The following TBC1D16 variants were observed in gnomAD, a reference collection of about 807,000 sequenced individuals.
The protein encoded by TBC1D16 is TBC1 domain family member 16.
In TBC1D16, 58 loss-of-function variants were observed where a neutral mutation model predicts 74.7. That is an observed-to-expected ratio of 0.78 (90% CI 0.63 to 0.97). The LOEUF (loss-of-function observed/expected upper bound fraction) is 0.97, where lower values mean the gene tolerates loss of function less well. Ranked by LOEUF, TBC1D16 falls within the 50% of genes least tolerant of loss-of-function variation. TBC1D16 has a pLI of 0.00. For missense variants in TBC1D16, 1,014 were observed against 1,079.5 expected (o/e 0.94, Z 0.85); for synonymous variants, 493 against 474.7 (o/e 1.04, Z -0.50).
In TBC1D16 at chr17:79,981,709, G is replaced by A. The variant is rs1038834715; in HGVS notation, c.779+28451C>T. ...CTCCCACACCGGAGGCAAGGGACGCGCCACCCTCGGAGCGGCTCCCTCGGC... is the reference window on the plus strand; with the variant it reads ...CTCCCACACCGGAGGCAAGGGACGCACCACCCTCGGAGCGGCTCCCTCGGC... On this transcript the variant is annotated intron_variant, in intron 3 of 11. Coordinates refer to ENST00000310924, the MANE Select transcript of TBC1D16 (RefSeq NM_019020.4). The surrounding 1 kb of genome is among the most constrained non-coding windows in gnomAD (Gnocchi z 6.9). Among the ~76,000 whole-genome samples, 3 of 152,230 alleles carry A rather than the reference G, an allele frequency of 2.0e-5. No homozygotes were observed. Among genetic ancestry groups the A allele is most frequent in the African/African-American group, 7.2e-5 (3 of 41,470 alleles).
chr17:79,977,274 G>A (rs1049789942), intron 3 of TBC1D16, among the ~76,000 whole-genome samples: 16 of 152,160 alleles, frequency 1.1e-4, no homozygotes, highest in South Asian at 4.1e-4. Context: ...GAGACGGCCC[G>A]GTGCACAGGG....
At chr17:80,026,141 G>A (rs904064449) in intron 1 of TBC1D16, 20 of 150,234 alleles carry the variant, frequency 1.3e-4, no homozygotes, top group Admixed American at 1.3e-3. Context: ...AGAAAGGGGC[G>A]GCCGGGCATG....
chr17:79,949,153 C>T, intron 7 of TBC1D16, 147 bp from the exon 8 acceptor site: 1 of 887,584 alleles, frequency 1.1e-6, no homozygotes, highest in Non-Finnish European at 1.7e-6. Context: ...AGACCCTCCC[C>T]GGATGCGGCG....
At chr17:79,996,697 A>G (rs2035284282) in intron 3 of TBC1D16, among the ~76,000 whole-genome samples, 1 of 152,198 alleles carries the variant, frequency 6.6e-6, no homozygotes, top group African/African-American at 2.4e-5. Flanking sequence ...CCTGAGCAAC[A>G]TGGCAAAAAC....
At chr17:79,947,057 G>A (rs769430724) in intron 9 of TBC1D16, among the ~76,000 whole-genome samples, 17 of 152,188 alleles carry the variant, frequency 1.1e-4, no homozygotes, top group African/African-American at 3.9e-4. Context: ...CTGGCCCTCC[G>A]GCGCTGCCTT....
chr17:80,005,316 C>G (rs2035634062), intron 3 of TBC1D16, among the ~76,000 whole-genome samples: 1 of 152,216 alleles, frequency 6.6e-6, no homozygotes, highest in Non-Finnish European at 1.5e-5. Flanking sequence ...GTTCTTTATC[C>G]AGGTCACCAA....
rs185896163 is a variant in TBC1D16, at chr17:80,000,157, C to T, written c.779+10003G>A. Among the ~76,000 whole-genome samples, 2 of 152,250 alleles carry T rather than the reference C, an allele frequency of 1.3e-5. No individual in the cohort carries two copies. Among genetic ancestry groups the T allele is most frequent in the African/African-American group, 2.4e-5 (1 of 41,542 alleles). On this transcript the variant is annotated intron_variant, in intron 3 of 11. Transcript: ENST00000310924. The surrounding 1 kb of genome is among the most constrained non-coding windows in gnomAD (Gnocchi z 4.1). ...AACGGGGTGATGACCACACTGATGT[C>T]GGGAGCTGTTTCTGGGATTCAGGTT... is the stretch of plus-strand genomic sequence containing the variant.
At chr17:79,957,520 AAGACCAGTGGTTGCC>A (rs1431383994) in intron 3 of TBC1D16, among the ~76,000 whole-genome samples, 1 of 152,188 alleles carries the variant, frequency 6.6e-6, no homozygotes, top group African/African-American at 2.4e-5. Flanking sequence ...AGACAGTGAC[AAGACCAGTGGTTGCC>A]AGGAGCTGGC....
chr17:79,972,015 C>T (rs2034128593), intron 3 of TBC1D16, among the ~76,000 whole-genome samples: 1 of 152,140 alleles, frequency 6.6e-6, no homozygotes, highest in Admixed American at 6.5e-5. Context: ...GAACTGAAAG[C>T]AGGGACTCGA....
intron 1 of TBC1D16, among the ~76,000 whole-genome samples, chr17:80,021,227 G>A (rs540780836): frequency 1.3e-5 from 2 of 149,130 alleles, no homozygotes; most frequent in South Asian, 2.1e-4. Context: ...ACTCCAGCCT[G>A]GAAACAAGAG....
chr17:80,004,542 G>A (rs1198044199), intron 3 of TBC1D16, among the ~76,000 whole-genome samples: 1 of 152,236 alleles, frequency 6.6e-6, no homozygotes, highest in African/African-American at 2.4e-5. Flanking sequence ...AAAACTCCCT[G>A]ATCCAACAGA....
At chr17:79,953,615 T>C (rs994053700) in intron 3 of TBC1D16, among the ~76,000 whole-genome samples, 4 of 152,244 alleles carry the variant, frequency 2.6e-5, no homozygotes, top group Non-Finnish European at 4.4e-5. Flanking sequence ...ACCAGCATAC[T>C]GTGCAGCTGT....
intron 10 of TBC1D16, among the ~76,000 whole-genome samples, chr17:79,943,096 T>C (rs2032171142): frequency 1.3e-5 from 2 of 152,190 alleles, no homozygotes; most frequent in Admixed American, 1.3e-4. Flanking sequence ...GACGGAACGG[T>C]GTCCCCGGCC....
At chr17:79,943,942 C>G in intron 10 of TBC1D16, 1 of 1,472,812 alleles carries the variant, frequency 6.8e-7, no homozygotes, top group South Asian at 1.3e-5. Context: ...TGCCGTGCTT[C>G]CCTTCGTTAA....
In TBC1D16 at chr17:80,035,839, C is replaced by CGCCACCGTCGCCTCCGCCGCT. The variant is rs2036988559; in HGVS notation, c.-128_-108dup. The CGCCACCGTCGCCTCCGCCGCT allele has an allele frequency of 6.8e-6, 1 of 146,522 alleles. No individual in the cohort carries two copies. The highest frequency in any genetic ancestry group is 2.0e-4 in the East Asian group (1 of 5,046). 9.1% of individuals were successfully genotyped at this position (146,522 alleles called of 1,614,324 possible). ...CCGGATTCGCGCCGGCTCCGAGAGC[C>CGCCACCGTCGCCTCCGCCGCT]GCCACCGTCGCCTCCGCCGCTGCCG... On this transcript the variant is annotated 5_prime_UTR_variant, in exon 1 of 12. Transcript: ENST00000310924. This position sits in a 1 kb window ranked among gnomAD's most constrained non-coding sequence, Gnocchi z 5.3.
chr17:79,953,149 C>G (rs1281688773), intron 3 of TBC1D16, among the ~76,000 whole-genome samples: 1 of 152,190 alleles, frequency 6.6e-6, no homozygotes, highest in Non-Finnish European at 1.5e-5. Flanking sequence ...CCAAGCCTCT[C>G]TCAGCCTTCG....
At chr17:79,973,670 AC>A (rs1334671920) in intron 3 of TBC1D16, among the ~76,000 whole-genome samples, 1 of 151,594 alleles carries the variant, frequency 6.6e-6, no homozygotes, top group Admixed American at 6.6e-5. Context: ...AGATCACGCC[AC>A]TGCACTCCAG....
At chr17:80,026,676 T>C (rs537661149) in intron 1 of TBC1D16, among the ~76,000 whole-genome samples, 2 of 149,934 alleles carry the variant, frequency 1.3e-5, no homozygotes, top group East Asian at 1.9e-4. Flanking sequence ...TGGGAGAGTT[T>C]CCTAATGTCC....
At chr17:79,947,915 C>A (rs1162318612) in intron 8 of TBC1D16, 84 bp from the exon 9 acceptor site, 1 of 1,151,984 alleles carries the variant, frequency 8.7e-7, no homozygotes. Flanking sequence ...GGGCCGTGGA[C>A]CCTGCCTTCC....
Sources: allele counts gnomAD v4.1 joint callset (sites outside exome capture counted in the v4.1 genomes callset), GRCh38; gene constraint gnomAD v4.1.1; non-coding constraint Gnocchi (gnomAD v3.1); transcripts MANE v1.5; gene names NCBI Gene and HGNC (gene_info 2026-07-23, HGNC 2026-07-21).